Variants in NUDC observed in about 807,000 individuals in gnomAD.
NUDC encodes the protein nuclear distribution C, dynein complex regulator, also known as nuclear migration protein nudC.
In NUDC, 14 loss-of-function variants were observed where a neutral mutation model predicts 45.0. The observed-to-expected ratio is 0.31, with a 90% confidence interval of 0.21 to 0.49. The LOEUF (loss-of-function observed/expected upper bound fraction) is 0.49. NUDC is among the 20% of genes least tolerant of loss of function. The probability of loss-of-function intolerance (pLI) is 0.99; values close to 1 mark genes in which losing one functional copy is unlikely to be tolerated. For synonymous variants in NUDC, 153 were observed against 156.7 expected (o/e 0.98, Z 0.17); for missense variants, 323 against 426.2 (o/e 0.76, Z 2.13).
At chr1:26,909,110 G>A (rs1457608187) in intron 2 of NUDC, among the ~76,000 whole-genome samples, 3 of 152,046 alleles carry the variant, frequency 2.0e-5, no homozygotes, top group Non-Finnish European at 2.9e-5. Context: ...AAGTAGCTGC[G>A]ATTACAGGTG....
chr1:26,944,390 AGGGTCTCATGTTGCCCAGGC>A (rs985330672), intron 6 of NUDC, among the ~76,000 whole-genome samples: 16 of 152,176 alleles, frequency 1.1e-4, no homozygotes, highest in African/African-American at 3.6e-4. Flanking sequence ...TTGTAAAGAC[AGGGTCTCATGTTGCCCAGGC>A]TGGTCTGAAA....
chr1:26,919,050 T>G (rs1388209117), upstream of NUDC, among the ~76,000 whole-genome samples: 4 of 152,074 alleles, frequency 2.6e-5, no homozygotes, highest in Admixed American at 2.0e-4. Context: ...AGTGCTGGGA[T>G]TACAGGCATG....
At chr1:26,913,601 C>A in intron 3 of NUDC, 1 of 1,614,074 alleles carries the variant, frequency 6.2e-7, no homozygotes, top group Non-Finnish European at 8.5e-7. Context: ...ATGCTGGGCA[C>A]CGGGGCCTCA....
intron 2 of NUDC, among the ~76,000 whole-genome samples, chr1:26,905,848 T>C (rs2082000661): frequency 6.6e-6 from 1 of 152,308 alleles, no homozygotes; most frequent in African/African-American, 2.4e-5. Flanking sequence ...AGTTTCTTTG[T>C]CTATAAAATG....
intron 2 of NUDC, among the ~76,000 whole-genome samples, chr1:26,903,927 T>C (rs1029606334): frequency 4.0e-5 from 6 of 149,678 alleles, no homozygotes; most frequent in Non-Finnish European, 6.0e-5. Flanking sequence ...AGGAGAATGG[T>C]GTGAACCCGG....
chr1:26,945,543 G>A (rs1304339992), intron 7 of NUDC, 25 bp from the exon 8 acceptor site: 2 of 1,611,350 alleles, frequency 1.2e-6, no homozygotes, highest in Non-Finnish European at 1.7e-6. Flanking sequence ...GAGCTTCACC[G>A]ATTCCTGTCA....
At chr1:26,927,648 G>A (rs772198358) in intron 2 of NUDC, among the ~76,000 whole-genome samples, 4 of 151,458 alleles carry the variant, frequency 2.6e-5, no homozygotes, top group Non-Finnish European at 4.4e-5. Context: ...TGCCCGCTTC[G>A]GCCCCTCAAA....
chr1:26,912,216 T>C, intron 3 of NUDC: 1 of 959,922 alleles, frequency 1.0e-6, no homozygotes, highest in Non-Finnish European at 1.6e-6. Context: ...GAGGTCCCAC[T>C]ACTACCTCCT....
chr1:26,902,886 T>C (rs1234675408), intron 2 of NUDC, among the ~76,000 whole-genome samples: 1 of 151,930 alleles, frequency 6.6e-6, no homozygotes, highest in Non-Finnish European at 1.5e-5. Context: ...CCGTCTCTAC[T>C]AAAAATACAA....
At chr1:26,936,247 T>C (rs7412610) in intron 2 of NUDC, among the ~76,000 whole-genome samples, 2 of 128,026 alleles carry the variant, frequency 1.6e-5, no homozygotes, top group Non-Finnish European at 3.2e-5. Context: ...TGGAGTACGG[T>C]GTCCTGATCT....
chr1:26,941,415 G>A, intron 2 of NUDC, 42 bp from the exon 3 acceptor site: 1 of 1,600,376 alleles, frequency 6.2e-7, no homozygotes. Flanking sequence ...GTGGGACACT[G>A]TCCCCTGCTC....
At chr1:26,912,173 G>A in intron 3 of NUDC, 3 of 1,537,372 alleles carry the variant, frequency 2.0e-6, no homozygotes, top group Non-Finnish European at 2.7e-6. Flanking sequence ...TGGGCCATCA[G>A]AGACACCCCT....
rs956598607 is a variant in NUDC, at chr1:26,941,587, C to T, written c.290C>T (p.Ser97Leu). ...RAARLAKEAK[S>L]ETSGPQIKEL... is the part of the protein sequence containing the mutation. ...GCCAGACTGGCCAAGGAAGCCAAGT[C>T]AGAGACCTCAGGGCCCCAGATCAAG... Residue 97 changes from serine (S) to leucine (L), a missense_variant, in exon 3 of 9, where the codon TCA (serine) becomes TTA (leucine). Coordinates refer to ENST00000321265, the MANE Select transcript of NUDC (RefSeq NM_006600.4). The T allele has an allele frequency of 1.2e-6, 2 of 1,612,194 alleles. No homozygotes were observed. Among genetic ancestry groups the T allele is most frequent in the African/African-American group, 2.7e-5 (2 of 74,928 alleles).
chr1:26,900,872 A>C (rs1291041120), intron 1 of NUDC, among the ~76,000 whole-genome samples: 1 of 152,214 alleles, frequency 6.6e-6, no homozygotes, highest in Non-Finnish European at 1.5e-5. Context: ...GGCCGAAGAT[A>C]CTTCGCAAAA....
chr1:26,926,624 A>G (rs1392512270), intron 2 of NUDC, among the ~76,000 whole-genome samples: 1 of 150,582 alleles, frequency 6.6e-6, no homozygotes. Flanking sequence ...TTTGACACGG[A>G]GTTTCATGCT....
chr1:26,924,809 C>T (rs1229391550), intron 2 of NUDC, among the ~76,000 whole-genome samples: 1 of 151,810 alleles, frequency 6.6e-6, no homozygotes, highest in African/African-American at 2.4e-5. Flanking sequence ...CCTCGGCCTC[C>T]CAAAGTGCTG....
At chr1:26,944,356 A>T (rs913164502) in intron 6 of NUDC, among the ~76,000 whole-genome samples, 1 of 151,782 alleles carries the variant, frequency 6.6e-6, no homozygotes, top group African/African-American at 2.4e-5. Flanking sequence ...GCGCCACCCT[A>T]CCTGGCTAAT....
chr1:26,930,993 G>A (rs1282695230), intron 2 of NUDC, among the ~76,000 whole-genome samples: 1 of 152,000 alleles, frequency 6.6e-6, no homozygotes, highest in African/African-American at 2.4e-5. Flanking sequence ...TCCAGCCTGG[G>A]CCACAGAGCG....
At position 26,946,412 on chromosome 1, in the gene NUDC, C is replaced by A. The variant is rs774840156; in HGVS notation, c.*231C>A. 2 of 563,190 alleles carry A rather than the reference C, an allele frequency of 3.6e-6. No individual in the cohort carries two copies. The highest frequency in any genetic ancestry group is 6.4e-6 in the Non-Finnish European group (2 of 312,962). The allele number at this position is 563,190 out of a possible 1,614,324, so 34.9% of individuals were successfully genotyped here. A position where few individuals can be genotyped will look rare whatever the true frequency, so the allele number is the denominator to read the frequency against. ...TTGCCCAGCTCCTTCTGTGTCCTCT[C>A]TTGCCTCTGGCCTTTCTCTGGGGCA... On this transcript the variant is annotated 3_prime_UTR_variant, in exon 9 of 9. Transcript: ENST00000321265.
Sources: allele counts gnomAD v4.1 joint callset (sites outside exome capture counted in the v4.1 genomes callset), GRCh38; gene constraint gnomAD v4.1.1; transcripts MANE v1.5; gene names NCBI Gene and HGNC (gene_info 2026-07-23, HGNC 2026-07-21).